SKIC2: variants seen among roughly 807,000 people sequenced by gnomAD.
SKIC2 encodes the protein SKI2 subunit of superkiller complex.
chr6:31,959,993 T>C, the SKIC2 span: 1 of 1,578,160 alleles, frequency 6.3e-7, no homozygotes, highest in Admixed American at 1.7e-5. Context: ...ATGCCTCTCA[T>C]CTTGCCCTTG....
the SKIC2 span, chr6:31,965,734 G>A: frequency 7.6e-5 from 87 of 1,141,598 alleles, no homozygotes; most frequent in Non-Finnish European, 9.9e-5. This position sits in a 1 kb window ranked among gnomAD's most constrained non-coding sequence, Gnocchi z 5.6. Context: ...GGCTGGGGGT[G>A]TGTGTATGTA....
At chr6:31,963,170 C>A in the SKIC2 span, 1 of 1,072,758 alleles carries the variant, frequency 9.3e-7, no homozygotes, top group Non-Finnish European at 1.4e-6. The surrounding 1 kb of genome is among the most constrained non-coding windows in gnomAD (Gnocchi z 5.3). Flanking sequence ...AAGTCTACCA[C>A]AGCAAGGAGA....
the SKIC2 span, chr6:31,963,768 C>T: frequency 6.6e-7 from 1 of 1,525,604 alleles, no homozygotes; most frequent in Non-Finnish European, 8.9e-7. The surrounding 1 kb of genome is among the most constrained non-coding windows in gnomAD (Gnocchi z 5.3). Context: ...CTGCCAGCAC[C>T]TGTTTTTCCT....
At chr6:31,961,513 G>A in the SKIC2 span, 5 of 1,568,372 alleles carry the variant, frequency 3.2e-6, no homozygotes, top group Non-Finnish European at 4.3e-6. Flanking sequence ...CCCTCTGGTT[G>A]TATCTTTATC....
the SKIC2 span, chr6:31,961,871 T>C: frequency 3.1e-6 from 5 of 1,608,844 alleles, no homozygotes; most frequent in African/African-American, 1.3e-5. Flanking sequence ...AAGGCCCCGC[T>C]CCTTTCTTCA....
chr6:31,959,988 T>C, the SKIC2 span: 1 of 1,548,102 alleles, frequency 6.5e-7, no homozygotes, highest in Non-Finnish European at 8.9e-7. Flanking sequence ...ACCTAATGCC[T>C]CTCATCTTGC....
At chr6:31,966,125 T>A in the SKIC2 span, 4 of 749,356 alleles carry the variant, frequency 5.3e-6, no homozygotes, top group Non-Finnish European at 8.4e-6. This position sits in a 1 kb window ranked among gnomAD's most constrained non-coding sequence, Gnocchi z 5.9. Context: ...AGACAGGGTC[T>A]TGCTCTGTTA....
the SKIC2 span, chr6:31,963,725 C>G: frequency 6.5e-7 from 1 of 1,545,230 alleles, no homozygotes; most frequent in Non-Finnish European, 8.7e-7. The surrounding 1 kb of genome is among the most constrained non-coding windows in gnomAD (Gnocchi z 5.3). Flanking sequence ...TCAGGGGGGC[C>G]CTGCACAGGT....
chr6:31,963,000 G>A, the SKIC2 span: 8 of 1,612,042 alleles, frequency 5.0e-6, no homozygotes, highest in African/African-American at 5.3e-5. The surrounding 1 kb of genome is among the most constrained non-coding windows in gnomAD (Gnocchi z 5.0). Flanking sequence ...GGTCGTGTGG[G>A]AGGAGGTGCT....
chr6:31,968,279 G>C, the SKIC2 span: 20 of 1,526,656 alleles, frequency 1.3e-5, no homozygotes, highest in South Asian at 1.8e-4. This position sits in a 1 kb window ranked among gnomAD's most constrained non-coding sequence, Gnocchi z 6.1. Context: ...GGAGGCTTCT[G>C]GGGGAGAGAA....
At chr6:31,964,023 C>T in the SKIC2 span, 2 of 1,612,676 alleles carry the variant, frequency 1.2e-6, no homozygotes, top group East Asian at 2.2e-5. The surrounding 1 kb of genome is among the most constrained non-coding windows in gnomAD (Gnocchi z 5.0). Context: ...CCTCAGGCCT[C>T]ACCTCCCTTG....
At chr6:31,963,794 C>T in the SKIC2 span, 3 of 1,493,234 alleles carry the variant, frequency 2.0e-6, no homozygotes, top group African/African-American at 1.4e-5. This position sits in a 1 kb window ranked among gnomAD's most constrained non-coding sequence, Gnocchi z 5.3. Flanking sequence ...CTTTTTTTTC[C>T]CCTTGTCCCC....
At chr6:31,961,621 C>T in the SKIC2 span, 20 of 1,612,898 alleles carry the variant, frequency 1.2e-5, no homozygotes, top group Admixed American at 5.0e-5. Context: ...TCCCTGTGGA[C>T]GCCACCTCCC....
At chr6:31,961,449 G>C in the SKIC2 span, 1 of 1,529,694 alleles carries the variant, frequency 6.5e-7, no homozygotes, top group Non-Finnish European at 8.8e-7. Flanking sequence ...GGCTGGCTAG[G>C]ATGGGTCTGA....
chr6:31,967,504 CA>C, the SKIC2 span: 2 of 804,152 alleles, frequency 2.5e-6, no homozygotes, highest in Non-Finnish European at 4.1e-6. This position sits in a 1 kb window ranked among gnomAD's most constrained non-coding sequence, Gnocchi z 4.9. Flanking sequence ...CCCTCCTTTT[CA>C]CCCTCTCCCT....
At chr6:31,968,738 G>C in the SKIC2 span, 15 of 1,612,922 alleles carry the variant, frequency 9.3e-6, no homozygotes, top group Non-Finnish European at 5.1e-6. The surrounding 1 kb of genome is among the most constrained non-coding windows in gnomAD (Gnocchi z 6.1). Context: ...GAGCGGCTGC[G>C]CTTCCTACTG....
At chr6:31,969,124 T>A in the SKIC2 span, 5 of 1,589,352 alleles carry the variant, frequency 3.1e-6, no homozygotes, top group Non-Finnish European at 4.3e-6. This position sits in a 1 kb window ranked among gnomAD's most constrained non-coding sequence, Gnocchi z 6.1. Flanking sequence ...CTGCCAGGGC[T>A]GTGGCATTCC....
chr6:31,960,340 A>G, the SKIC2 span: 2 of 1,611,270 alleles, frequency 1.2e-6, no homozygotes, highest in Non-Finnish European at 1.7e-6. Context: ...ACAAAGAGGT[A>G]GGAGGTCAGG....
At chr6:31,961,504 C>A in the SKIC2 span, 1 of 1,558,156 alleles carries the variant, frequency 6.4e-7, no homozygotes, top group Non-Finnish European at 8.7e-7. Context: ...AATTGAGAGC[C>A]CTCTGGTTGT....
Sources: allele counts gnomAD v4.1 joint callset, GRCh38; gene constraint gnomAD v4.1.1; non-coding constraint Gnocchi (gnomAD v3.1); transcripts MANE v1.5; gene names NCBI Gene and HGNC (gene_info 2026-07-23, HGNC 2026-07-21).